Variants in NFATC2IP observed in about 807,000 individuals in gnomAD.
NFATC2IP encodes the protein nuclear factor of activated T cells 2 interacting protein, also known as NFATC2-interacting protein.
A neutral mutation model predicts 40.2 loss-of-function variants in NFATC2IP; 25 were observed. The ratio of observed to expected loss-of-function variants is 0.62; its 90% CI spans 0.45 to 0.87. The LOEUF is 0.87. NFATC2IP is among the 40% of genes least tolerant of loss of function. The pLI, the probability that NFATC2IP is intolerant of heterozygous loss-of-function variation, is 0.00. For synonymous variants in NFATC2IP, 241 were observed against 236.3 expected (o/e 1.02, Z -0.18); for missense variants, 553 against 555.6 (o/e 1.00, Z 0.05).
At chr16:28,958,922 A>G (rs911334887) in intron 6 of NFATC2IP, 61 bp downstream of exon 6, 3 of 1,607,734 alleles carry the variant, frequency 1.9e-6, no homozygotes, top group African/African-American at 2.7e-5. Flanking sequence ...GGATATGGGG[A>G]GAGGTTCAGC....
intron 5 of NFATC2IP, chr16:28,958,350 C>G (rs1965044174): frequency 6.3e-6 from 1 of 158,900 alleles, no homozygotes; most frequent in Non-Finnish European, 1.4e-5. Flanking sequence ...GAGCGAAACT[C>G]CGTCTCAAAA....
In NFATC2IP at chr16:28,965,852, C is replaced by G. The variant is rs573371747; in HGVS notation, c.*1989C>G. 6.6e-6 allele frequency: 1 copy of G among 151,866 alleles called. No homozygotes were observed. The highest frequency in any genetic ancestry group is 2.4e-5 in the African/African-American group (1 of 41,416). 9.4% of individuals were successfully genotyped at this position (151,866 alleles called of 1,614,324 possible). ...GGTGGATCACTTGAGGCCAGGAGTT[C>G]AAGACCACCCTGACCAACTTGGTGA... On this transcript the variant is annotated 3_prime_UTR_variant, in exon 8 of 8. Coordinates refer to ENST00000320805, the MANE Select transcript of NFATC2IP (RefSeq NM_032815.4).
rs59070168 is a variant in NFATC2IP, at chr16:28,966,587, CAAAAAAAAAAA to C, written c.*2735_*2745del. On this transcript the variant is annotated 3_prime_UTR_variant, in exon 8 of 8. Transcript: ENST00000320805. ...TGAAACCTTGTCTCTACTGAAAATA[CAAAAAAAAAAA>C]AAAAAAAAAATGAGCTAGGTGTGGT... is the stretch of plus-strand genomic sequence containing the variant. The C allele has an allele frequency of 1.2e-5, 1 of 81,368 alleles. No individual in the cohort carries two copies. The highest frequency in any genetic ancestry group is 3.0e-4 in the East Asian group (1 of 3,304). The allele number at this position is 81,368 out of a possible 1,614,324, so 5.0% of individuals were successfully genotyped here. A position where few individuals can be genotyped will look rare whatever the true frequency, so the allele number is the denominator to read the frequency against.
rs1418952933 is a variant in NFATC2IP at position 28,951,245 on chromosome 16, C to T, written c.234C>T (p.Pro78=). 3.3e-6 allele frequency: 5 copies of T among 1,497,526 alleles called. No homozygotes were observed. Among genetic ancestry groups the T allele is most frequent in the Admixed American group, 2.2e-5 (1 of 45,270 alleles). 92.8% of individuals were successfully genotyped at this position (1,497,526 alleles called of 1,614,324 possible). The change falls in exon 1 of 8, where the codon CCC becomes CCT. Residue 78 remains proline (P), a synonymous_variant. Coordinates refer to ENST00000320805, the MANE Select transcript of NFATC2IP (RefSeq NM_032815.4). The part of the protein sequence containing the change: ...ADEVEVEPPE[P]PGPVASRDNS... ...AGGTTGAGGTGGAGCCCCCGGAGCC[C>T]CCGGGGCCGGTCGCGTCCCGGGATA...
Position 28,951,080 on chromosome 16 carries a change from C to A in NFATC2IP, c.69C>A (p.Gly23=). 6.5e-7 allele frequency: 1 copy of A among 1,541,392 alleles called. No individual in the cohort carries two copies. ...GCGGTGCCGGCCGAGGGGGTCGGGG[C>A]GGCTGGGGCGGTCGGGGCCGGCGTC... ...GGSGAGRGGR[G]GWGGRGRRPR... is the part of the protein sequence containing the mutation. Residue 23 remains glycine, a synonymous_variant, in exon 1 of 8, where the codon GGC becomes GGA. Coordinates refer to ENST00000320805, the MANE Select transcript of NFATC2IP (RefSeq NM_032815.4).
chr16:28,956,600 T>C (rs1305746451), intron 5 of NFATC2IP: 2 of 461,564 alleles, frequency 4.3e-6, no homozygotes, highest in Non-Finnish European at 3.9e-6. Context: ...TCTTTTTTTT[T>C]CCTTCAAAAA....
chr16:28,955,838 C>A, intron 3 of NFATC2IP, 140 bp from the exon 4 acceptor site: 1 of 701,714 alleles, frequency 1.4e-6, no homozygotes, highest in Admixed American at 2.4e-5. Flanking sequence ...ATCCTCCTGG[C>A]TCAGCCTCCA....
At position 28,964,122 on chromosome 16, in the gene NFATC2IP, G is replaced by A. The variant is rs112492568; in HGVS notation, c.*259G>A. The A allele has an allele frequency of 2.8e-3, 1,267 of 457,490 alleles. 8 individuals are homozygous for A. Among genetic ancestry groups the A allele is most frequent in the African/African-American group, 0.022 (1,128 of 51,674 alleles). The allele number at this position is 457,490 out of a possible 1,614,324, so 28.3% of individuals were successfully genotyped here. A position where few individuals can be genotyped will look rare whatever the true frequency, so the allele number is the denominator to read the frequency against. ...CTGAGTTTTGCAGCCTCTGTGACTT[G>A]GAGATGTCCCTTCACCCCTCCCCTT... On this transcript the variant is annotated 3_prime_UTR_variant, in exon 8 of 8. Coordinates refer to ENST00000320805, the MANE Select transcript of NFATC2IP (RefSeq NM_032815.4).
In NFATC2IP at chr16:28,952,147, C is replaced by A. The variant is rs143448860; in HGVS notation, c.403C>A (p.Arg135Ser). 4.3e-6 allele frequency: 7 copies of A among 1,613,822 alleles called. No homozygotes were observed. The highest frequency in any genetic ancestry group is 1.7e-5 in the Admixed American group (1 of 59,970). ...VYSGKVKSSL[R>S]LIPDDLSLLK... ...GTCTTTGCAGGTTAAAAGCAGCCTT[C>A]GCCTTATCCCAGATGATCTATCCCT... Residue 135 changes from arginine (R) to serine (S), a missense_variant, in exon 2 of 8, where the codon CGC becomes AGC. By Grantham distance (110) the Arg-to-Ser change is moderately radical (BLOSUM62 -1). Transcript: ENST00000320805.
Position 28,951,185 on chromosome 16 carries a change from T to G in NFATC2IP, c.174T>G (p.Ile58Met). ...TGGTCACCGACAGCGATGAGGAAAT[T>G]CTGGAGGTCGCCACCGCTCGCGGTG... is the stretch of plus-strand genomic sequence containing the variant. ...VDLVTDSDEE[I>M]LEVATARGAA... Residue 58 changes from isoleucine (I) to methionine (M), a missense_variant, in exon 1 of 8, where the codon ATT becomes ATG. Physicochemically the swap from Ile to Met is conservative, Grantham distance 10. Transcript: ENST00000320805. The G allele has an allele frequency of 6.5e-7, 1 of 1,540,390 alleles. No individual in the cohort carries two copies. Among genetic ancestry groups the G allele is most frequent in the Non-Finnish European group, 8.8e-7 (1 of 1,141,442 alleles).
Position 28,951,258 on chromosome 16 carries a change from G to A in NFATC2IP, c.247G>A (p.Ala83Thr). 6.7e-7 allele frequency: 1 copy of A among 1,485,180 alleles called. No homozygotes were observed. The highest frequency in any genetic ancestry group is 9.0e-7 in the Non-Finnish European group (1 of 1,111,724). The allele number at this position is 1,485,180 out of a possible 1,614,324, so 92.0% of individuals were successfully genotyped here. Residue 83 changes from alanine (A) to threonine (T), a missense_variant, in exon 1 of 8, where the codon GCG becomes ACG. Transcript: ENST00000320805. ...GCCCCCGGAGCCCCCGGGGCCGGTC[G>A]CGTCCCGGGATAACAGCAACAGTGA... ...VEPPEPPGPV[A>T]SRDNSNSDSE... is the part of the protein sequence containing the mutation.
At chr16:28,963,090 G>A (rs1965105294) in intron 7 of NFATC2IP, among the ~76,000 whole-genome samples, 1 of 152,184 alleles carries the variant, frequency 6.6e-6, no homozygotes, top group Non-Finnish European at 1.5e-5. Context: ...GCTGAGGCAG[G>A]AGAATTGCTT....
rs1269466441 is a variant in NFATC2IP at position 28,965,225 on chromosome 16, G to A, written c.*1362G>A. The A allele has an allele frequency of 6.6e-6, 1 of 152,106 alleles. No homozygotes were observed. The highest frequency in any genetic ancestry group is 1.5e-5 in the Non-Finnish European group (1 of 68,026). 9.4% of individuals were successfully genotyped at this position (152,106 alleles called of 1,614,324 possible). On this transcript the variant is annotated 3_prime_UTR_variant, in exon 8 of 8. Coordinates refer to ENST00000320805, the MANE Select transcript of NFATC2IP (RefSeq NM_032815.4). Reference sequence around the variant, plus strand: ...TCCTGTGCATTGCCCATTTTCTCATGGAGTTTCTTATCTTTTTTGGTTTAT... The same window carrying A: ...TCCTGTGCATTGCCCATTTTCTCATAGAGTTTCTTATCTTTTTTGGTTTAT...
At chr16:28,956,728 T>C (rs1965026922) in intron 5 of NFATC2IP, 1 of 186,240 alleles carries the variant, frequency 5.4e-6, no homozygotes, top group South Asian at 1.1e-4. Flanking sequence ...AAGAAGCTTT[T>C]TTTGGTAGTC....
chr16:28,952,921 A>G (rs948367655), intron 2 of NFATC2IP, among the ~76,000 whole-genome samples: 9 of 151,932 alleles, frequency 5.9e-5, no homozygotes, highest in Non-Finnish European at 1.0e-4. Flanking sequence ...TTTTTAATAG[A>G]GATGGGGTTT....
intron 7 of NFATC2IP, among the ~76,000 whole-genome samples, chr16:28,962,094 C>CG (rs1276497271): frequency 6.6e-6 from 1 of 151,430 alleles, no homozygotes; most frequent in Non-Finnish European, 1.5e-5. Flanking sequence ...TTTGTGTAGA[C>CG]GGGGTCTCAC....
intron 5 of NFATC2IP, chr16:28,958,434 C>T (rs574587198): frequency 2.1e-5 from 7 of 325,992 alleles, no homozygotes; most frequent in African/African-American, 8.6e-5. Context: ...GCTGGAGCTG[C>T]GTAACAGCCA....
In NFATC2IP at chr16:28,963,944, A is replaced by G. The variant is rs1965116293; in HGVS notation, c.*81A>G. On this transcript the variant is annotated 3_prime_UTR_variant, in exon 8 of 8. Transcript: ENST00000320805. ...TTTTTGCCCCATAAGGGCTAGCATA[A>G]GCTGAGGTAGAACTTATCTTTAAGC... The G allele has an allele frequency of 7.7e-7, 1 of 1,305,154 alleles. No homozygotes were observed. The highest frequency in any genetic ancestry group is 1.1e-6 in the Non-Finnish European group (1 of 924,612). The allele number at this position is 1,305,154 out of a possible 1,614,324, so 80.8% of individuals were successfully genotyped here.
At position 28,966,061 on chromosome 16, in the gene NFATC2IP, A is replaced by G. The variant is rs969650676; in HGVS notation, c.*2198A>G. On this transcript the variant is annotated 3_prime_UTR_variant, in exon 8 of 8. Transcript: ENST00000320805. ...CAGAGAGACTTTGTCTCAAAAAAAA[A>G]AGAAAATTTTAATTTTAATGTAGAC... The G allele has an allele frequency of 6.6e-6, 1 of 152,184 alleles. No individual in the cohort carries two copies. Among genetic ancestry groups the G allele is most frequent in the Non-Finnish European group, 1.5e-5 (1 of 68,040 alleles). 9.4% of individuals were successfully genotyped at this position (152,184 alleles called of 1,614,324 possible).
Sources: allele counts gnomAD v4.1 joint callset (sites outside exome capture counted in the v4.1 genomes callset), GRCh38; gene constraint gnomAD v4.1.1; transcripts MANE v1.5; gene names NCBI Gene and HGNC (gene_info 2026-07-23, HGNC 2026-07-21).